The following NSMAF variants were observed in gnomAD, a reference collection of about 807,000 sequenced individuals.
NSMAF encodes the protein neutral sphingomyelinase activation associated factor, also known as protein FAN.
A neutral mutation model predicts 134.9 loss-of-function variants in NSMAF; 90 were observed. The ratio of observed to expected loss-of-function variants is 0.67; its 90% CI spans 0.56 to 0.79. NSMAF has a LOEUF of 0.79. Among genes scored for constraint, NSMAF ranks in the 30% least tolerant of loss-of-function variants. The pLI, the probability that NSMAF is intolerant of heterozygous loss-of-function variation, is 0.00. For missense variants in NSMAF, 1,010 were observed against 1,119.0 expected (o/e 0.90, Z 1.39); for synonymous variants, 358 against 389.6 (o/e 0.92, Z 0.96).
intron 23 of NSMAF, among the ~76,000 whole-genome samples, chr8:58,591,782 C>T (rs1027337859): frequency 6.6e-6 from 1 of 151,952 alleles, no homozygotes; most frequent in Non-Finnish European, 1.5e-5. Context: ...TAACTGTGCC[C>T]GGCCTCAAAA....
At chr8:58,625,904 C>G (rs1806918227) in intron 6 of NSMAF, among the ~76,000 whole-genome samples, 1 of 151,846 alleles carries the variant, frequency 6.6e-6, no homozygotes, top group Admixed American at 6.6e-5. Context: ...TGATTTCCTC[C>G]TCATTTTTTT....
intron 9 of NSMAF, among the ~76,000 whole-genome samples, chr8:58,621,622 T>C (rs1346249219): frequency 6.6e-6 from 1 of 152,186 alleles, no homozygotes; most frequent in East Asian, 1.9e-4. Flanking sequence ...CAGCATGTTA[T>C]TTTTTGAGTA....
Position 58,609,658 on chromosome 8 carries a change from T to G in NSMAF, c.633A>C (p.Gly211=). ...EMVTPLVTNP[G]HVCITDTNLY... Reference sequence around the variant, plus strand: ...GGTTTGTGTCCGTGATGCACACGTGTCCAGGATTAGTCACCAGAGGCGTCA... The same window carrying G: ...GGTTTGTGTCCGTGATGCACACGTGGCCAGGATTAGTCACCAGAGGCGTCA... Residue 211 remains glycine (G), a synonymous_variant, in exon 10 of 31, where the codon GGA becomes GGC. Coordinates refer to ENST00000038176, the MANE Select transcript of NSMAF (RefSeq NM_003580.4). 6.2e-7 allele frequency: 1 copy of G among 1,614,174 alleles called. No homozygotes were observed.
At position 58,607,790 on chromosome 8, in the gene NSMAF, C is replaced by T. The variant is rs370072370; in HGVS notation, c.738G>A (p.Arg246=). The T allele has an allele frequency of 6.2e-7, 1 of 1,614,192 alleles. No individual in the cohort carries two copies. The highest frequency in any genetic ancestry group is 8.5e-7 in the Non-Finnish European group (1 of 1,180,004). The part of the protein sequence containing the change: ...TLQDVRRIYK[R]RHGLMPLGLE... Reference sequence around the variant, plus strand: ...TCACCAGAGGCATGAGGCCGTGCCTCCTTTTGTAGATGCGGCGGACATCTT... The same window carrying T: ...TCACCAGAGGCATGAGGCCGTGCCTTCTTTTGTAGATGCGGCGGACATCTT... The change falls in exon 11 of 31, where the codon AGG becomes AGA. Residue 246 remains arginine, a synonymous_variant. Transcript: ENST00000038176.
chr8:58,584,593 G>A (rs1327679467), intron 30 of NSMAF, among the ~76,000 whole-genome samples: 1 of 152,144 alleles, frequency 6.6e-6, no homozygotes, highest in African/African-American at 2.4e-5. Flanking sequence ...ACTGGAAGGG[G>A]TCAAATCACA....
intron 9 of NSMAF, among the ~76,000 whole-genome samples, chr8:58,619,582 G>C (rs566450210): frequency 2.8e-4 from 42 of 152,228 alleles, no homozygotes; most frequent in African/African-American, 9.9e-4. Context: ...TGGTCATAGA[G>C]TTTAATAGGG....
At chr8:58,643,241 G>T (rs1341249843) in intron 1 of NSMAF, among the ~76,000 whole-genome samples, 168 bp from the exon 2 acceptor site, 1 of 152,198 alleles carries the variant, frequency 6.6e-6, no homozygotes, top group East Asian at 1.9e-4. Context: ...GTGGCGGGAA[G>T]TACATAGCTG....
chr8:58,626,862 C>T (rs1806943975), intron 6 of NSMAF, among the ~76,000 whole-genome samples: 1 of 152,160 alleles, frequency 6.6e-6, no homozygotes, highest in Admixed American at 6.5e-5. Flanking sequence ...AAATCCATGC[C>T]AACGTCTATT....
In NSMAF at chr8:58,623,698, C is replaced by G. The variant is rs1184084683; in HGVS notation, c.456+11G>C. 3.1e-6 allele frequency: 5 copies of G among 1,610,968 alleles called. No individual in the cohort carries two copies. The African/African-American group carries it at 5.3e-5, about 17-fold the overall frequency. ...AGTTTGCTTTGAATTTTCTACCCAG[C>G]AAGTGCTTACCTGAAGCAACGTCTC... On this transcript the variant is annotated intron_variant, in intron 7 of 30. Coordinates refer to ENST00000038176, the MANE Select transcript of NSMAF (RefSeq NM_003580.4).
At chr8:58,645,886 C>T (rs1490283322) in intron 1 of NSMAF, among the ~76,000 whole-genome samples, 4 of 151,966 alleles carry the variant, frequency 2.6e-5, no homozygotes, top group African/African-American at 4.8e-5. Context: ...ACTAAAAGTA[C>T]AAAAATTAGC....
At chr8:58,591,714 T>C (rs999904841) in intron 23 of NSMAF, among the ~76,000 whole-genome samples, 13 of 152,068 alleles carry the variant, frequency 8.5e-5, no homozygotes, top group African/African-American at 3.1e-4. Context: ...CTCGAACTCC[T>C]GGCTTCAAGT....
intron 2 of NSMAF, 152 bp downstream of exon 2, chr8:58,642,832 A>C: frequency 1.5e-6 from 1 of 657,736 alleles, no homozygotes; most frequent in Non-Finnish European, 2.7e-6. Flanking sequence ...CTAGGTTATA[A>C]TCCTCAATAA....
chr8:58,653,730 G>A (rs1480643956), intron 1 of NSMAF, among the ~76,000 whole-genome samples: 1 of 152,062 alleles, frequency 6.6e-6, no homozygotes, highest in African/African-American at 2.4e-5. Context: ...ATATCTGATG[G>A]TTAAAAGATG....
At chr8:58,621,465 T>G (rs907439367) in intron 9 of NSMAF, among the ~76,000 whole-genome samples, 4 of 152,174 alleles carry the variant, frequency 2.6e-5, no homozygotes, top group Non-Finnish European at 5.9e-5. Flanking sequence ...TTCCATTGGG[T>G]ATATACGCAA....
intron 1 of NSMAF, among the ~76,000 whole-genome samples, chr8:58,657,072 C>T (rs1807732732): frequency 6.6e-6 from 1 of 152,138 alleles, no homozygotes; most frequent in Non-Finnish European, 1.5e-5. Context: ...ACAGACAATA[C>T]ACCACACCAA....
rs772772169 is a variant in NSMAF at position 58,605,893 on chromosome 8, AAAAG to A, written c.868+30_868+33del. On this transcript the variant is annotated intron_variant, in intron 12 of 30. Coordinates refer to ENST00000038176, the MANE Select transcript of NSMAF (RefSeq NM_003580.4). Reference sequence around the variant, plus strand: ...AGACTCAGCCTCCAAAAAAAAAAAAAAAAGAAAGAAACAATGAAGGGTGAGCGCC... The same window carrying A: ...AGACTCAGCCTCCAAAAAAAAAAAAAAAAGAAACAATGAAGGGTGAGCGCC... The A allele has an allele frequency of 4.0e-6, 6 of 1,515,744 alleles. No individual in the cohort carries two copies. The African/African-American group carries it at 7.3e-5, about 18-fold the overall frequency. The allele number at this position is 1,515,744 out of a possible 1,614,324, so 93.9% of individuals were successfully genotyped here. A position where few individuals can be genotyped will look rare whatever the true frequency, so the allele number is the denominator to read the frequency against.
intron 9 of NSMAF, among the ~76,000 whole-genome samples, chr8:58,610,471 G>A (rs542171346): frequency 2.6e-5 from 4 of 152,350 alleles, no homozygotes; most frequent in East Asian, 3.9e-4. Flanking sequence ...GGATGGGAAA[G>A]CTGTAAGAGA....
At chr8:58,657,965 C>T (rs567432812) in intron 1 of NSMAF, among the ~76,000 whole-genome samples, 2 of 152,280 alleles carry the variant, frequency 1.3e-5, no homozygotes, top group East Asian at 1.9e-4. Flanking sequence ...TGTGACACCA[C>T]GGAGCTGTAT....
intron 9 of NSMAF, among the ~76,000 whole-genome samples, chr8:58,622,931 T>C (rs1344528647): frequency 1.3e-5 from 2 of 152,138 alleles, no homozygotes; most frequent in Admixed American, 6.5e-5. Context: ...AAAGCTGTGC[T>C]AGTGTTCTGG....
Sources: gnomAD v4.1 joint callset for allele counts (sites outside exome capture counted in the v4.1 genomes callset) on GRCh38, gnomAD v4.1.1 for gene constraint, MANE v1.5 for transcripts, NCBI Gene and HGNC (gene_info 2026-07-23, HGNC 2026-07-21) for gene names.